RAB37: variants seen among roughly 807,000 people sequenced by gnomAD.
RAB37 encodes the protein RAB37, member RAS oncogene family, also known as ras-related protein Rab-37.
Under a neutral mutation model 33.1 loss-of-function variants are expected in RAB37, and 29 were observed. The ratio of observed to expected loss-of-function variants is 0.88; its 90% CI spans 0.65 to 1.20. The LOEUF is 1.20. Ranked by LOEUF, RAB37 falls within the 50% of genes most tolerant of loss-of-function variation. RAB37 has a pLI of 0.00. For missense variants in RAB37, 299 were observed against 301.1 expected, an observed-to-expected ratio of 0.99 and a Z score of 0.05; for synonymous variants, 128 against 119.5, an observed-to-expected ratio of 1.07 and a Z score of -0.47.
chr17:74,696,180 TG>T (rs1353375722), intron 1 of RAB37: 1 of 1,600,300 alleles, frequency 6.2e-7, no homozygotes, highest in African/African-American at 1.4e-5. Flanking sequence ...GGTCCGACCT[TG>T]GGGGCTATCT....
At chr17:74,696,649 C>G (rs2032506453) in intron 1 of RAB37, among the ~76,000 whole-genome samples, 1 of 152,234 alleles carries the variant, frequency 6.6e-6, no homozygotes, top group Admixed American at 6.5e-5. Flanking sequence ...TAATCCCCCT[C>G]CCGGGCCCCC....
Position 74,744,988 on chromosome 17 carries a change from G to C in RAB37, c.490-20G>C, listed in dbSNP as rs375624322. 1.6e-5 allele frequency: 26 copies of C among 1,614,112 alleles called. No individual in the cohort carries two copies. The highest frequency in any genetic ancestry group is 1.9e-5 in the Non-Finnish European group (23 of 1,180,020). On this transcript the variant is annotated intron_variant, in intron 7 of 8. Coordinates refer to ENST00000392613, the MANE Select transcript of RAB37 (RefSeq NM_001006638.3). This position sits in a 1 kb window ranked among gnomAD's most constrained non-coding sequence, Gnocchi z 4.2. The stretch of plus-strand genomic sequence containing the variant: ...GGGGGCAACCCGACGCTGGCCCTGA[G>C]GACACTCTCTCCCGGGCAGGAGTAC...
At chr17:74,732,500 G>A (rs1197188848), upstream of RAB37, among the ~76,000 whole-genome samples, 1 of 149,884 alleles carries the variant, frequency 6.7e-6, no homozygotes, top group African/African-American at 2.5e-5. Flanking sequence ...GATTTGAGGG[G>A]TGTGGCAGGT....
chr17:74,712,124 C>G (rs2034009038), intron 1 of RAB37, among the ~76,000 whole-genome samples: 1 of 151,964 alleles, frequency 6.6e-6, no homozygotes, highest in African/African-American at 2.4e-5. Flanking sequence ...GTTACCCAAG[C>G]TGGTCTCGAA....
At chr17:74,743,466 C>T (rs373643419) in intron 5 of RAB37, 126 bp downstream of exon 5, 76 of 929,312 alleles carry the variant, frequency 8.2e-5, no homozygotes, top group East Asian at 7.3e-4. Context: ...CTGAAAAACA[C>T]CTACTTGTGA....
rs565511390 is a variant in RAB37, at chr17:74,694,540, C to T, written c.72+22882C>T. Reference sequence around the variant, plus strand: ...ACTTCCATCATCACTTTGTCTCTACCTCTTTGACCTTCTGGCCTCTTTCTT... The same window carrying T: ...ACTTCCATCATCACTTTGTCTCTACTTCTTTGACCTTCTGGCCTCTTTCTT... On this transcript the variant is annotated intron_variant, in intron 1 of 7. Coordinates refer to the RAB37 transcript ENST00000340415. 2.0e-5 allele frequency: 3 copies of T among 152,370 alleles called. No individual in the cohort carries two copies. The South Asian group carries it at 6.2e-4, about 32-fold the overall frequency. 9.4% of individuals were successfully genotyped at this position (152,370 alleles called of 1,614,324 possible). A position where few individuals can be genotyped will look rare whatever the true frequency, so the allele number is the denominator to read the frequency against.
chr17:74,703,107 G>A lies in RAB37; in HGVS notation c.73-26149G>A, dbSNP rs202053089. On this transcript the variant is annotated intron_variant, in intron 1 of 7. Transcript: ENST00000340415. ...TTCTTGGGTGACTGGTGCTGTAAAC[G>A]TAGTGGAGGTAGGCGTGGTGGGGGC... 4.2e-5 allele frequency: 67 copies of A among 1,613,916 alleles called. No individual in the cohort carries two copies. The East Asian group carries it at 4.5e-4, about 11-fold the overall frequency.
chr17:74,672,099 A>G (rs1257103351), intron 1 of RAB37, among the ~76,000 whole-genome samples: 3 of 152,148 alleles, frequency 2.0e-5, no homozygotes, highest in Non-Finnish European at 4.4e-5. Flanking sequence ...CTGTTTTCAA[A>G]TCAGACTCCC....
chr17:74,734,903 G>GAGGA (rs558514478), upstream of RAB37, among the ~76,000 whole-genome samples: 39 of 146,618 alleles, frequency 2.7e-4, no homozygotes, highest in South Asian at 6.5e-4. Context: ...GAAAGAGAGA[G>GAGGA]AGGAAGGAAG....
intron 1 of RAB37, among the ~76,000 whole-genome samples, chr17:74,686,514 C>T (rs147366505): frequency 0.011 from 1,649 of 152,264 alleles, 28 homozygotes; most frequent in Non-Finnish European, 0.015. Context: ...CCTCAGCCTC[C>T]CGAGTAGCTG....
chr17:74,732,752 GGT>G (rs1408853281), upstream of RAB37, among the ~76,000 whole-genome samples: 2 of 71,784 alleles, frequency 2.8e-5, no homozygotes, highest in African/African-American at 9.9e-5. Context: ...TGTGTGATGA[GGT>G]GTGTGGTGTG....
chr17:74,745,286 C>G lies in RAB37; in HGVS notation c.567-20C>G. On this transcript the variant is annotated intron_variant, in intron 8 of 8. Transcript: ENST00000392613. The surrounding 1 kb of genome is among the most constrained non-coding windows in gnomAD (Gnocchi z 4.5). ...CCCAGCCCAGCCCAGCCCAGCCCAG[C>G]CCATTGTCTCTTCTTCAAGGGAACT... 1 of 1,609,260 alleles carries G rather than the reference C, an allele frequency of 6.2e-7. No homozygotes were observed. Among genetic ancestry groups the G allele is most frequent in the South Asian group, 1.1e-5 (1 of 91,010 alleles).
intron 1 of RAB37, among the ~76,000 whole-genome samples, chr17:74,728,283 CATGTGTGTGTTCTGTGTGT>C (rs1328318974): frequency 6.6e-6 from 1 of 151,544 alleles, no homozygotes; most frequent in Non-Finnish European, 1.5e-5. Flanking sequence ...TGTCTGTGTG[CATGTGTGTGTTCTGTGTGT>C]ATGTGTGTGT....
chr17:74,679,106 G>A (rs2031900683), intron 1 of RAB37, among the ~76,000 whole-genome samples: 1 of 145,762 alleles, frequency 6.9e-6, no homozygotes, highest in Non-Finnish European at 1.5e-5. Context: ...GCAAGACTCT[G>A]TCTCAAAAAA....
chr17:74,744,396 C>A lies in RAB37; in HGVS notation c.432+23C>A. The A allele has an allele frequency of 6.2e-7, 1 of 1,610,692 alleles. No homozygotes were observed. The highest frequency in any genetic ancestry group is 1.1e-5 in the South Asian group (1 of 90,948). ...AAGGTGAGTGGCTCCGGGGCAGGGT[C>A]AGCCCAGCCCTGCACTTCCTCAGCC... On this transcript the variant is annotated intron_variant, in intron 6 of 8. Coordinates refer to ENST00000392613, the MANE Select transcript of RAB37 (RefSeq NM_001006638.3). This position sits in a 1 kb window ranked among gnomAD's most constrained non-coding sequence, Gnocchi z 4.2.
rs796424120 is a variant in RAB37 at position 74,710,048 on chromosome 17, G to A, written c.73-19208G>A. 1.5e-4 allele frequency among the ~76,000 whole-genome samples: 23 copies of A among 152,074 alleles called. 1 individual carries two copies. The highest frequency in any genetic ancestry group is 4.8e-4 in the African/African-American group (20 of 41,488). On this transcript the variant is annotated intron_variant, in intron 1 of 7. Coordinates refer to the RAB37 transcript ENST00000340415. ...GGCTGGAGTGCAGTGGCTCAATCTC[G>A]GCTCACTGCAAGTTCCGCCTCCCGG...
At chr17:74,680,281 T>G (rs2031926722) in intron 1 of RAB37, among the ~76,000 whole-genome samples, 1 of 150,888 alleles carries the variant, frequency 6.6e-6, no homozygotes, top group African/African-American at 2.4e-5. Context: ...ACCAAGAGGG[T>G]CACAGATGGT....
chr17:74,702,961 A>G, intron 1 of RAB37: 1 of 1,256,342 alleles, frequency 8.0e-7, no homozygotes, highest in Non-Finnish European at 1.2e-6. Flanking sequence ...CAGGCTGGAA[A>G]ATGGGACTTC....
In RAB37 at chr17:74,744,080, T is replaced by C. The variant is rs1411585049; in HGVS notation, c.367-228T>C. 6.6e-6 allele frequency among the ~76,000 whole-genome samples: 1 copy of C among 152,096 alleles called. No individual in the cohort carries two copies. The highest frequency in any genetic ancestry group is 2.4e-5 in the African/African-American group (1 of 41,408). ...GGTCTCCATGCATCTGGATCTTCCA[T>C]AGAACTGATAGTTGCACAGCATAAA... On this transcript the variant is annotated intron_variant, in intron 5 of 8. Transcript: ENST00000392613. The surrounding 1 kb of genome is among the most constrained non-coding windows in gnomAD (Gnocchi z 4.2).
Sources: gnomAD v4.1 joint callset for allele counts (sites outside exome capture counted in the v4.1 genomes callset) on GRCh38, gnomAD v4.1.1 for gene constraint, Gnocchi (gnomAD v3.1) non-coding constraint, MANE v1.5 for transcripts, NCBI Gene and HGNC (gene_info 2026-07-23, HGNC 2026-07-21) for gene names.